The following TCTN2 variants were observed in gnomAD, a reference collection of about 807,000 sequenced individuals.
The protein encoded by TCTN2 is tectonic-2.
TCTN2 carries 66 observed loss-of-function variants against 83.4 expected under a neutral mutation model. The ratio of observed to expected loss-of-function variants is 0.79; its 90% CI spans 0.65 to 0.97. The LOEUF (loss-of-function observed/expected upper bound fraction) is 0.97. Ranked by LOEUF, TCTN2 falls within the 50% of genes least tolerant of loss-of-function variation. The pLI, the probability that TCTN2 is intolerant of heterozygous loss-of-function variation, is 0.00. For missense variants in TCTN2, 794 were observed against 858.1 expected (o/e 0.93, Z 0.93); for synonymous variants, 301 against 326.7 (o/e 0.92, Z 0.85).
Position 123,692,730 on chromosome 12 carries a change from A to G in TCTN2, c.1099+7A>G, listed in dbSNP as rs1159442209. On this transcript the variant is annotated splice_region_variant and intron_variant, in intron 9 of 17. Transcript: ENST00000303372. ...AAATTCATCACCAATACAGGTATTTAATGTTACACTTTGACGTCATTTCTT... is the reference window on the plus strand; with the variant it reads ...AAATTCATCACCAATACAGGTATTTGATGTTACACTTTGACGTCATTTCTT... 4 of 1,607,176 alleles carry G rather than the reference A, an allele frequency of 2.5e-6. 1 individual carries two copies. The South Asian group carries it at 3.3e-5, about 13-fold the overall frequency.
chr12:123,699,900 C>A lies in TCTN2; in HGVS notation c.1612+90C>A. The stretch of plus-strand genomic sequence containing the variant: ...AGCATTAGAGCCCAACCCAGTAGGT[C>A]ATCTTCCTGAGGCTTGACTGCGGCT... On this transcript the variant is annotated intron_variant, in intron 14 of 17. Coordinates refer to ENST00000303372, the MANE Select transcript of TCTN2 (RefSeq NM_024809.5). 1 of 1,011,852 alleles carries A rather than the reference C, an allele frequency of 9.9e-7. No homozygotes were observed. Among genetic ancestry groups the A allele is most frequent in the Non-Finnish European group, 1.6e-6 (1 of 634,026 alleles). 62.7% of individuals were successfully genotyped at this position (1,011,852 alleles called of 1,614,324 possible).
rs1235346560 is a variant in TCTN2, at chr12:123,707,700, A to C, written c.2081A>C (p.Lys694Thr). 1 of 1,613,868 alleles carries C rather than the reference A, an allele frequency of 6.2e-7. No homozygotes were observed. The highest frequency in any genetic ancestry group is 2.2e-5 in the East Asian group (1 of 44,872). The change falls in exon 18 of 18, where the codon AAA becomes ACA. Residue 694 changes from lysine to threonine, a missense_variant. Physicochemically the swap from Lys to Thr is moderately conservative, Grantham distance 78. Coordinates refer to ENST00000303372, the MANE Select transcript of TCTN2 (RefSeq NM_024809.5). The part of the protein sequence containing the change: ...FLSNPWTRIC[K>T]AYS ...AGCAACCCCTGGACCAGAATATGCA[A>C]AGCCTATAGTTAGACAACCACCTGG... is the stretch of plus-strand genomic sequence containing the variant.
intron 3 of TCTN2, among the ~76,000 whole-genome samples, chr12:123,673,026 G>A (rs1394594022): frequency 6.6e-6 from 1 of 152,170 alleles, no homozygotes. Context: ...CTCCAGCTTG[G>A]GTGATGAGCG....
intron 7 of TCTN2, among the ~76,000 whole-genome samples, chr12:123,689,788 A>G (rs1956020002): frequency 6.6e-6 from 1 of 152,104 alleles, no homozygotes; most frequent in Admixed American, 6.6e-5. Context: ...AATCATTTGT[A>G]TATCTATATA....
At chr12:123,685,718 C>CTT (rs3071665) in intron 5 of TCTN2, among the ~76,000 whole-genome samples, 29 of 109,450 alleles carry the variant, frequency 2.6e-4, no homozygotes, top group African/African-American at 2.2e-4. Flanking sequence ...TGCGCCCGGT[C>CTT]TTTTTTTTTT....
chr12:123,693,932 C>G (rs898821713), intron 9 of TCTN2, among the ~76,000 whole-genome samples: 1 of 151,764 alleles, frequency 6.6e-6, no homozygotes, highest in Admixed American at 6.6e-5. Context: ...ATTCTCATGC[C>G]TTAGCCTCCT....
In TCTN2 at chr12:123,704,618, C is replaced by T. The variant is rs369121651; in HGVS notation, c.1699C>T (p.Arg567Cys). 103 of 1,612,676 alleles carry T rather than the reference C, an allele frequency of 6.4e-5. No homozygotes were observed. Among genetic ancestry groups the T allele is most frequent in the Admixed American group, 5.0e-5 (3 of 59,632 alleles). Residue 567 changes from arginine to cysteine, a missense_variant, in exon 15 of 18, where the codon CGC becomes TGC. Coordinates refer to ENST00000303372, the MANE Select transcript of TCTN2 (RefSeq NM_024809.5). ...GGATATTCCTGCTCACCTGAGCATC[C>T]GCATCCTCATCTCGGATGCTGGCGC... ...CLDIPAHLSI[R>C]ILISDAGAVE... is the part of the protein sequence containing the mutation.
intron 4 of TCTN2, among the ~76,000 whole-genome samples, chr12:123,674,601 GA>G (rs1186181507): frequency 1.3e-5 from 2 of 152,226 alleles, no homozygotes; most frequent in African/African-American, 4.8e-5. Flanking sequence ...ATCTTAAGAA[GA>G]AAAAAGGAAG....
At chr12:123,682,684 G>A (rs1955913910) in intron 5 of TCTN2, among the ~76,000 whole-genome samples, 1 of 151,652 alleles carries the variant, frequency 6.6e-6, no homozygotes. Context: ...GTTTCACCAT[G>A]TTGGCCAGGC....
At chr12:123,698,359 GTT>G (rs1224253450) in intron 13 of TCTN2, among the ~76,000 whole-genome samples, 2 of 149,524 alleles carry the variant, frequency 1.3e-5, no homozygotes, top group Non-Finnish European at 3.0e-5. Context: ...TTGTTTTTTT[GTT>G]TTTGTTTTTT....
intron 11 of TCTN2, chr12:123,696,174 A>AC (rs1441373366): frequency 2.3e-6 from 1 of 438,052 alleles, no homozygotes; most frequent in Non-Finnish European, 4.2e-6. Context: ...ATAACAATGT[A>AC]TTTTTTTTTT....
intron 7 of TCTN2, 119 bp from the exon 8 acceptor site, chr12:123,690,414 C>G: frequency 7.0e-7 from 1 of 1,432,864 alleles, no homozygotes; most frequent in Non-Finnish European, 9.7e-7. Context: ...CTTGCCGTTG[C>G]TGAAACCAGA....
chr12:123,699,550 T>C (rs1359159841), intron 13 of TCTN2, among the ~76,000 whole-genome samples, 154 bp from the exon 14 acceptor site: 2 of 152,226 alleles, frequency 1.3e-5, no homozygotes, highest in African/African-American at 4.8e-5. Context: ...CAGACACACC[T>C]AGTCCATGGG....
intron 1 of TCTN2, 77 bp downstream of exon 1, chr12:123,671,399 C>A: frequency 1.9e-6 from 3 of 1,595,426 alleles, no homozygotes; most frequent in Middle Eastern, 1.7e-4. Flanking sequence ...ACTTGGACTC[C>A]CCCGGGAGCT....
At chr12:123,696,327 C>A in intron 11 of TCTN2, 88 bp from the exon 12 acceptor site, 1 of 1,125,610 alleles carries the variant, frequency 8.9e-7, no homozygotes, top group Non-Finnish European at 1.4e-6. Context: ...GTTTTCTTTC[C>A]TTGTGCATGA....
At chr12:123,679,426 A>G (rs951920811) in intron 5 of TCTN2, 137 bp downstream of exon 5, 14 of 813,704 alleles carry the variant, frequency 1.7e-5, no homozygotes, top group African/African-American at 6.8e-5. Flanking sequence ...TGGTGATGCA[A>G]TGATGGCTCA....
intron 5 of TCTN2, among the ~76,000 whole-genome samples, chr12:123,683,623 G>C (rs773168903): frequency 2.2e-4 from 33 of 151,658 alleles, no homozygotes; most frequent in Non-Finnish European, 4.0e-4. Flanking sequence ...AACCTATCAA[G>C]AAGAAGCACT....
At position 123,688,130 on chromosome 12, in the gene TCTN2, G is replaced by A. The variant is rs913341045; in HGVS notation, c.844G>A (p.Gly282Arg). 2 of 1,613,722 alleles carry A rather than the reference G, an allele frequency of 1.2e-6. No individual in the cohort carries two copies. Among genetic ancestry groups the A allele is most frequent in the African/African-American group, 2.7e-5 (2 of 74,860 alleles). Reference protein sequence around the residue: ...KDFADFGYKQGDPIMTVKKAY... With the variant: ...KDFADFGYKQRDPIMTVKKAY... ...CTTTGCAGACTTTGGTTACAAACAA[G>A]GAGATCCCATTATGACTGTAAAGAA... Residue 282 changes from glycine to arginine, a missense_variant, in exon 7 of 18, where the codon GGA becomes AGA. Gly to Arg is a moderately radical substitution (Grantham distance 125). Transcript: ENST00000303372.
At chr12:123,690,807 A>G in intron 8 of TCTN2, 133 bp downstream of exon 8, 1 of 1,128,566 alleles carries the variant, frequency 8.9e-7, no homozygotes, top group Non-Finnish European at 1.3e-6. Flanking sequence ...TTCTTTGGAA[A>G]AAGTTTAGTT....
Sources: allele counts gnomAD v4.1 joint callset (sites outside exome capture counted in the v4.1 genomes callset), GRCh38; gene constraint gnomAD v4.1.1; transcripts MANE v1.5; gene names NCBI Gene and HGNC (gene_info 2026-07-23, HGNC 2026-07-21).